The following ARHGAP24 variants were observed in gnomAD, a reference collection of about 807,000 sequenced individuals.
ARHGAP24 encodes Rho GTPase activating protein 24, also known as rho GTPase-activating protein 24.
A neutral mutation model predicts 76.4 loss-of-function variants in ARHGAP24; 50 were observed. That is an observed-to-expected ratio of 0.65 (90% CI 0.52 to 0.83). The LOEUF is 0.83. Among genes scored for constraint, ARHGAP24 ranks in the 40% least tolerant of loss-of-function variants. The pLI, the probability that ARHGAP24 is intolerant of heterozygous loss-of-function variation, is 0.00. For synonymous variants in ARHGAP24, 345 were observed against 323.3 expected (o/e 1.07, Z -0.72); for missense variants, 930 against 914.2 (o/e 1.02, Z -0.22).
chr4:85,483,318 A>C (rs1194185133), intron 1 of ARHGAP24, among the ~76,000 whole-genome samples: 1 of 152,166 alleles, frequency 6.6e-6, no homozygotes, highest in Non-Finnish European at 1.5e-5. Context: ...TAGATGGAAA[A>C]AAAAACTCAG....
At chr4:85,569,869 G>A (rs1161185002) in intron 1 of ARHGAP24, among the ~76,000 whole-genome samples, 1 of 152,188 alleles carries the variant, frequency 6.6e-6, no homozygotes, top group Admixed American at 6.5e-5. Flanking sequence ...GGGGACACAC[G>A]TCAGGCTAGC....
At chr4:85,813,678 A>G (rs1289518529) in intron 3 of ARHGAP24, among the ~76,000 whole-genome samples, 6 of 151,680 alleles carry the variant, frequency 4.0e-5, no homozygotes, top group African/African-American at 7.3e-5. Flanking sequence ...TTATTAAGGT[A>G]TAATTGACAA....
chr4:85,506,091 G>T (rs997240290), intron 1 of ARHGAP24, among the ~76,000 whole-genome samples: 5 of 152,140 alleles, frequency 3.3e-5, no homozygotes, highest in Non-Finnish European at 7.4e-5. Flanking sequence ...AGCGAAGTCT[G>T]CTGCCTGATC....
intron 4 of ARHGAP24, 139 bp from the exon 5 acceptor site, chr4:85,941,927 A>C (rs1736970869): frequency 1.2e-6 from 1 of 827,494 alleles, no homozygotes; most frequent in African/African-American, 1.7e-5. Context: ...TTGATTGTAT[A>C]ATAATGTGAA....
intron 3 of ARHGAP24, among the ~76,000 whole-genome samples, chr4:85,914,595 T>C (rs1002874478): frequency 5.9e-5 from 9 of 152,248 alleles, no homozygotes; most frequent in African/African-American, 1.2e-4. Context: ...TCTTCCCCTA[T>C]GTGAAGAATC....
chr4:85,742,401 T>G lies in ARHGAP24; in HGVS notation c.268+20429T>G, dbSNP rs558157480. The stretch of plus-strand genomic sequence containing the variant: ...CTCAGCCTGTCTATCCAGCTAAGCT[T>G]GAGCTTGATTTTGCTCTCTAGTTGA... On this transcript the variant is annotated intron_variant, in intron 3 of 9. Transcript: ENST00000395184. 2.0e-5 allele frequency among the ~76,000 whole-genome samples: 3 copies of G among 152,356 alleles called. No individual in the cohort carries two copies. In the South Asian group the frequency reaches 6.2e-4, roughly 32 times the overall value.
At chr4:85,684,055 T>C (rs1216151796) in intron 2 of ARHGAP24, among the ~76,000 whole-genome samples, 1 of 152,240 alleles carries the variant, frequency 6.6e-6, no homozygotes, top group Admixed American at 6.5e-5. Context: ...GCAATAAACA[T>C]ATTGCTTCAA....
chr4:85,638,182 A>G (rs1243764340), intron 2 of ARHGAP24, among the ~76,000 whole-genome samples: 1 of 152,124 alleles, frequency 6.6e-6, no homozygotes, highest in Non-Finnish European at 1.5e-5. Flanking sequence ...AACTGCTGTG[A>G]TGATTTAGCT....
chr4:85,787,915 T>G (rs1454479361), intron 3 of ARHGAP24, among the ~76,000 whole-genome samples: 1 of 152,164 alleles, frequency 6.6e-6, no homozygotes, highest in Non-Finnish European at 1.5e-5. Flanking sequence ...GCTGCAAAAC[T>G]TGAATCACTT....
intron 2 of ARHGAP24, among the ~76,000 whole-genome samples, chr4:85,691,182 GTATTTAT>G (rs1723642009): frequency 6.6e-6 from 1 of 151,822 alleles, no homozygotes. Context: ...TTTGATTTCT[GTATTTAT>G]TGTACCATGG....
chr4:85,923,342 C>G (rs1735836833), intron 3 of ARHGAP24, among the ~76,000 whole-genome samples: 1 of 152,202 alleles, frequency 6.6e-6, no homozygotes. Context: ...TCTCCCTATT[C>G]AGCAGCTTCG....
At chr4:85,659,019 C>G (rs1401380222) in intron 2 of ARHGAP24, among the ~76,000 whole-genome samples, 1 of 152,148 alleles carries the variant, frequency 6.6e-6, no homozygotes, top group African/African-American at 2.4e-5. Context: ...GACAGTGCCT[C>G]TTAACTGAAG....
intron 5 of ARHGAP24, among the ~76,000 whole-genome samples, chr4:85,966,281 G>A (rs1738596185): frequency 6.6e-6 from 1 of 152,260 alleles, no homozygotes; most frequent in East Asian, 1.9e-4. Context: ...TTAGGGCTTT[G>A]ATGTACGAAG....
Position 85,907,707 on chromosome 4 carries a change from T to G in ARHGAP24, c.269-15941T>G, listed in dbSNP as rs187913411. ...TTCATATGCTTGTTTATTCCCTCAT[T>G]AGACAGTAGATTACTAATGGATAAG... is the stretch of plus-strand genomic sequence containing the variant. On this transcript the variant is annotated intron_variant, in intron 3 of 9. Coordinates refer to ENST00000395184, the MANE Select transcript of ARHGAP24 (RefSeq NM_001025616.3). 1.1e-3 allele frequency among the ~76,000 whole-genome samples: 161 copies of G among 152,308 alleles called. 1 individual carries two copies. Among genetic ancestry groups the G allele is most frequent in the Non-Finnish European group, 1.8e-3 (124 of 68,020 alleles).
intron 1 of ARHGAP24, among the ~76,000 whole-genome samples, chr4:85,506,464 C>T (rs1212101233): frequency 1.3e-5 from 2 of 152,218 alleles, no homozygotes; most frequent in Non-Finnish European, 2.9e-5. Context: ...GACGCCCCTC[C>T]CCCAGCCAGG....
Position 85,810,455 on chromosome 4 carries a change from G to C in ARHGAP24, c.268+88483G>C, listed in dbSNP as rs568985549. 1.2e-4 allele frequency among the ~76,000 whole-genome samples: 18 copies of C among 152,184 alleles called. No homozygotes were observed. In the East Asian group the frequency reaches 3.5e-3, roughly 29 times the overall value. On this transcript the variant is annotated intron_variant, in intron 3 of 9. Transcript: ENST00000395184. ...CCGTTGTCAGATGCGTGGATTCTGG[G>C]GCCAGACAACCTACATTACTACTCA...
chr4:85,943,673 T>C (rs1271827997), intron 5 of ARHGAP24, among the ~76,000 whole-genome samples: 4 of 152,088 alleles, frequency 2.6e-5, no homozygotes, highest in Admixed American at 2.0e-4. Context: ...TGTATTCTCA[T>C]TGTGCAACTC....
At chr4:85,970,992 CCACTCA>C (rs1738936222) in intron 5 of ARHGAP24, among the ~76,000 whole-genome samples, 1 of 152,100 alleles carries the variant, frequency 6.6e-6, no homozygotes, top group Admixed American at 6.5e-5. Flanking sequence ...AGTTATCTTG[CCACTCA>C]CACTCAGAAG....
rs528659803 is a variant in ARHGAP24, at chr4:85,568,828, T to A, written c.-20-1694T>A. Reference sequence around the variant, plus strand: ...AAATAGTCAAGTGACCTCCTTGAAGTTTAAAAGTAGTTTAAGAGGTGAAGA... The same window carrying A: ...AAATAGTCAAGTGACCTCCTTGAAGATTAAAAGTAGTTTAAGAGGTGAAGA... On this transcript the variant is annotated intron_variant, in intron 1 of 9. Transcript: ENST00000395184. 9.8e-5 allele frequency among the ~76,000 whole-genome samples: 15 copies of A among 152,336 alleles called. No individual in the cohort carries two copies. The East Asian group carries it at 2.9e-3, about 29-fold the overall frequency.
Sources: gnomAD v4.1 joint callset for allele counts (sites outside exome capture counted in the v4.1 genomes callset) on GRCh38, gnomAD v4.1.1 for gene constraint, MANE v1.5 for transcripts, NCBI Gene and HGNC (gene_info 2026-07-23, HGNC 2026-07-21) for gene names.